The following GATAD2B variants were observed in gnomAD, a reference collection of about 807,000 sequenced individuals.
GATAD2B encodes the protein transcriptional repressor p66-beta.
In GATAD2B, 8 loss-of-function variants were observed where a neutral mutation model predicts 64.3. That is an observed-to-expected ratio of 0.12 (90% CI 0.07 to 0.22). The LOEUF (loss-of-function observed/expected upper bound fraction) is 0.22. Among genes scored for constraint, GATAD2B ranks in the 10% least tolerant of loss-of-function variants. GATAD2B has a pLI of 1.00. For missense variants in GATAD2B, 453 were observed against 752.0 expected, an observed-to-expected ratio of 0.60 and a Z score of 4.65; for synonymous variants, 281 against 271.3, an observed-to-expected ratio of 1.04 and a Z score of -0.35.
intron 1 of GATAD2B, among the ~76,000 whole-genome samples, chr1:153,884,341 G>A (rs1022738151): frequency 6.6e-6 from 1 of 152,220 alleles, no homozygotes; most frequent in African/African-American, 2.4e-5. Flanking sequence ...TACTCCGGAG[G>A]CTGAGGCGGG....
chr1:153,908,589 C>A (rs1007661704), intron 1 of GATAD2B, among the ~76,000 whole-genome samples: 5 of 151,670 alleles, frequency 3.3e-5, no homozygotes, highest in African/African-American at 1.2e-4. Flanking sequence ...CTGCCTCAGC[C>A]TTCCCAGTAG....
intron 1 of GATAD2B, among the ~76,000 whole-genome samples, chr1:153,843,171 G>A (rs1675558447): frequency 6.6e-6 from 1 of 151,152 alleles, no homozygotes; most frequent in African/African-American, 2.4e-5. Flanking sequence ...ATCTCACTCT[G>A]TTGCCCAGGC....
chr1:153,852,121 C>G (rs564763383), intron 1 of GATAD2B: 11 of 646,512 alleles, frequency 1.7e-5, no homozygotes, highest in Non-Finnish European at 2.8e-6. Flanking sequence ...GTGCTCAGAT[C>G]GCTGGGCCTC....
intron 1 of GATAD2B, among the ~76,000 whole-genome samples, chr1:153,906,957 C>G (rs1677957734): frequency 6.6e-6 from 1 of 152,178 alleles, no homozygotes; most frequent in Admixed American, 6.6e-5. Flanking sequence ...CACCTCACAT[C>G]CACTAGAATT....
At chr1:153,817,603 C>T (rs528825373) in intron 5 of GATAD2B, 61 bp from the exon 6 acceptor site, 2 of 1,198,640 alleles carry the variant, frequency 1.7e-6, no homozygotes, top group Non-Finnish European at 2.3e-6. Context: ...TAATACAGCA[C>T]AAAATGCAAA....
At chr1:153,839,450 C>G (rs1309410856) in intron 1 of GATAD2B, among the ~76,000 whole-genome samples, 1 of 152,216 alleles carries the variant, frequency 6.6e-6, no homozygotes, top group Middle Eastern at 3.4e-3. Context: ...GTTCTTCCAT[C>G]ACATCAGAGA....
chr1:153,921,668 G>A (rs1461055097), intron 1 of GATAD2B, among the ~76,000 whole-genome samples: 2 of 152,052 alleles, frequency 1.3e-5, no homozygotes, highest in Non-Finnish European at 2.9e-5. Flanking sequence ...GTTCTCAGGA[G>A]GCTACCTGAT....
intron 1 of GATAD2B, among the ~76,000 whole-genome samples, chr1:153,846,703 G>A (rs1260750952): frequency 6.6e-6 from 1 of 151,610 alleles, no homozygotes; most frequent in Non-Finnish European, 1.5e-5. Flanking sequence ...TGGGATTACA[G>A]GCATCCGCCA....
At chr1:153,812,330 C>T in intron 8 of GATAD2B, 198 bp from the exon 9 acceptor site, 1 of 525,232 alleles carries the variant, frequency 1.9e-6, no homozygotes, top group Non-Finnish European at 3.3e-6. Flanking sequence ...TGCACCTGGC[C>T]CACCCAATTT....
intron 1 of GATAD2B, among the ~76,000 whole-genome samples, chr1:153,869,157 T>TGGTG (rs1312319554): frequency 6.6e-6 from 1 of 151,888 alleles, no homozygotes; most frequent in Non-Finnish European, 1.5e-5. Flanking sequence ...CCAGGCATGA[T>TGGTG]GGTGGGTGCC....
At chr1:153,867,734 T>A (rs1415676312) in intron 1 of GATAD2B, among the ~76,000 whole-genome samples, 5 of 151,490 alleles carry the variant, frequency 3.3e-5, no homozygotes, top group African/African-American at 1.2e-4. Flanking sequence ...GTGGTGAGCA[T>A]CTGTAATCTT....
At chr1:153,913,050 T>C (rs973151025) in intron 1 of GATAD2B, among the ~76,000 whole-genome samples, 1 of 152,042 alleles carries the variant, frequency 6.6e-6, no homozygotes, top group African/African-American at 2.4e-5. Flanking sequence ...ATCACGATAC[T>C]GCACTCCAGC....
chr1:153,812,930 G>A (rs1674344816), intron 8 of GATAD2B, among the ~76,000 whole-genome samples: 1 of 152,134 alleles, frequency 6.6e-6, no homozygotes, highest in Non-Finnish European at 1.5e-5. Context: ...GTTTCAAAGA[G>A]ATTTATAGCA....
rs1334343761 is a variant in GATAD2B at position 153,806,632 on chromosome 1, C to T, written c.*3545G>A. ...TTTCAGGTTTTTTTTTTTTTCTACA[C>T]AATGTACAATTCCTTTTAAATGGAT... On this transcript the variant is annotated 3_prime_UTR_variant, in exon 11 of 11. Transcript: ENST00000368655. The T allele has an allele frequency of 4.8e-5, 7 of 147,178 alleles. No individual in the cohort carries two copies. The highest frequency in any genetic ancestry group is 6.8e-5 in the Admixed American group (1 of 14,674). The allele number at this position is 147,178 out of a possible 1,614,324, so 9.1% of individuals were successfully genotyped here.
chr1:153,911,903 C>T (rs1265983803), intron 1 of GATAD2B, among the ~76,000 whole-genome samples: 1 of 152,202 alleles, frequency 6.6e-6, no homozygotes, highest in Non-Finnish European at 1.5e-5. Context: ...CTCAACACAA[C>T]TGAATCTAGA....
intron 10 of GATAD2B, 132 bp downstream of exon 10, chr1:153,811,599 G>GA: frequency 1.4e-6 from 1 of 722,442 alleles, no homozygotes; most frequent in Non-Finnish European, 2.4e-6. Flanking sequence ...CTGAGTAACA[G>GA]AAGAGTGAGA....
At chr1:153,829,863 G>A (rs1485542118) in intron 1 of GATAD2B, among the ~76,000 whole-genome samples, 1 of 152,072 alleles carries the variant, frequency 6.6e-6, no homozygotes, top group African/African-American at 2.4e-5. Context: ...ACTTTGGGAG[G>A]CTGAGGTGGG....
At chr1:153,842,591 A>C (rs777356154) in intron 1 of GATAD2B, among the ~76,000 whole-genome samples, 1 of 151,800 alleles carries the variant, frequency 6.6e-6, no homozygotes, top group Non-Finnish European at 1.5e-5. Context: ...TCACTTCTGT[A>C]CTGTTCTTCA....
At chr1:153,891,663 G>T (rs1347674368) in intron 1 of GATAD2B, among the ~76,000 whole-genome samples, 1 of 10,162 alleles carries the variant, frequency 9.8e-5, no homozygotes, top group Non-Finnish European at 1.0e-3. Flanking sequence ...AGGTAAGTAT[G>T]GGGGGGGGGG....
Sources: allele counts gnomAD v4.1 joint callset (sites outside exome capture counted in the v4.1 genomes callset), GRCh38; gene constraint gnomAD v4.1.1; transcripts MANE v1.5; gene names NCBI Gene and HGNC (gene_info 2026-07-23, HGNC 2026-07-21).